The following CADPS variants were observed in gnomAD, a reference collection of about 807,000 sequenced individuals.
The protein encoded by CADPS is calcium dependent secretion activator.
Under a neutral mutation model 167.3 loss-of-function variants are expected in CADPS, and 57 were observed. The observed-to-expected ratio is 0.34, with a 90% CI of 0.28 to 0.42. The LOEUF (loss-of-function observed/expected upper bound fraction) is 0.42. Ranked by LOEUF, CADPS falls within the 20% of genes least tolerant of loss-of-function variation. The probability of loss-of-function intolerance (pLI) is 1.00; values close to 1 mark genes in which losing one functional copy is unlikely to be tolerated. For synonymous variants in CADPS, 676 were observed against 635.3 expected (o/e 1.06, Z -0.96); for missense variants, 1,414 against 1,738.1 (o/e 0.81, Z 3.32).
intron 24 of CADPS, among the ~76,000 whole-genome samples, chr3:62,467,046 C>T (rs996386231): frequency 6.6e-6 from 1 of 152,134 alleles, no homozygotes; most frequent in African/African-American, 2.4e-5. Context: ...GAGACCACTG[C>T]TAAGTTTTTA....
chr3:62,548,385 T>C (rs1290243338), intron 11 of CADPS, among the ~76,000 whole-genome samples: 2 of 152,196 alleles, frequency 1.3e-5, no homozygotes, highest in African/African-American at 4.8e-5. Flanking sequence ...TTTCTTATTC[T>C]TTCATGATTT....
At chr3:62,453,937 C>T (rs992735645) in intron 26 of CADPS, among the ~76,000 whole-genome samples, 2 of 152,076 alleles carry the variant, frequency 1.3e-5, no homozygotes, top group African/African-American at 2.4e-5. Flanking sequence ...GGCCATTGTC[C>T]GTTGCTTCCT....
chr3:62,522,123 A>ATCTG (rs1444495842), intron 13 of CADPS, among the ~76,000 whole-genome samples: 1 of 151,572 alleles, frequency 6.6e-6, no homozygotes, highest in Non-Finnish European at 1.5e-5. Context: ...CTATCTATCT[A>ATCTG]TCTATCTATC....
chr3:62,422,202 A>T (rs1380486497), intron 28 of CADPS, among the ~76,000 whole-genome samples: 1 of 152,126 alleles, frequency 6.6e-6, no homozygotes, highest in Non-Finnish European at 1.5e-5. Flanking sequence ...CTCAGTTACC[A>T]CTATTTGATG....
intron 6 of CADPS, among the ~76,000 whole-genome samples, chr3:62,638,467 T>A (rs2066770542): frequency 6.6e-6 from 1 of 152,172 alleles, no homozygotes; most frequent in African/African-American, 2.4e-5. Context: ...TTCTTAGATT[T>A]ACTCCAGATG....
chr3:62,604,855 C>T (rs917612504), intron 6 of CADPS, among the ~76,000 whole-genome samples: 3 of 152,176 alleles, frequency 2.0e-5, no homozygotes, highest in African/African-American at 4.8e-5. Flanking sequence ...AACTGCTCAC[C>T]GCATGGCAGA....
chr3:62,558,359 C>T (rs1224758021), intron 9 of CADPS, among the ~76,000 whole-genome samples: 1 of 152,214 alleles, frequency 6.6e-6, no homozygotes, highest in African/African-American at 2.4e-5. Flanking sequence ...CATCCAGATC[C>T]AGCACATATA....
chr3:62,715,820 G>T (rs945757858), intron 3 of CADPS, among the ~76,000 whole-genome samples: 2 of 130,062 alleles, frequency 1.5e-5, no homozygotes, highest in African/African-American at 2.8e-5. Flanking sequence ...GCAGTGGCGC[G>T]ATCTCAGCTC....
chr3:62,476,998 A>G (rs1322763849), intron 23 of CADPS, among the ~76,000 whole-genome samples: 2 of 152,154 alleles, frequency 1.3e-5, no homozygotes, highest in South Asian at 2.1e-4. Flanking sequence ...TAAAAGAGCA[A>G]TACTAAAAAA....
chr3:62,868,241 C>A (rs2082054395), intron 1 of CADPS, among the ~76,000 whole-genome samples: 1 of 152,042 alleles, frequency 6.6e-6, no homozygotes, highest in Admixed American at 6.6e-5. Flanking sequence ...CTCTTGGATG[C>A]TTTACAGGGG....
At chr3:62,467,234 C>T in intron 24 of CADPS, 1 of 791,600 alleles carries the variant, frequency 1.3e-6, no homozygotes, top group Non-Finnish European at 1.7e-6. Flanking sequence ...TGAATTATCC[C>T]ATATTTCCCT....
intron 20 of CADPS, among the ~76,000 whole-genome samples, 187 bp from the exon 21 acceptor site, chr3:62,491,667 G>T (rs1051824906): frequency 1.3e-5 from 2 of 151,642 alleles, no homozygotes; most frequent in Non-Finnish European, 2.9e-5. Context: ...TACATAAAAA[G>T]CATTGAAATG....
chr3:62,671,922 C>G (rs1408992084), intron 3 of CADPS, among the ~76,000 whole-genome samples: 1 of 152,014 alleles, frequency 6.6e-6, no homozygotes, highest in African/African-American at 2.4e-5. Flanking sequence ...GCCACCACGC[C>G]TGACTAATTT....
intron 4 of CADPS, among the ~76,000 whole-genome samples, chr3:62,662,102 TG>T (rs2073374010): frequency 6.6e-6 from 1 of 152,140 alleles, no homozygotes; most frequent in Non-Finnish European, 1.5e-5. Flanking sequence ...GGTCTGAGCT[TG>T]GGTATTCACT....
At chr3:62,859,942 C>T (rs1326332504) in intron 1 of CADPS, among the ~76,000 whole-genome samples, 1 of 152,136 alleles carries the variant, frequency 6.6e-6, no homozygotes, top group Non-Finnish European at 1.5e-5. Context: ...GGCCCTCTGC[C>T]TTGGTTTAGT....
chr3:62,580,374 G>A (rs181453940), intron 8 of CADPS, among the ~76,000 whole-genome samples: 133 of 152,140 alleles, frequency 8.7e-4, no homozygotes, highest in Admixed American at 5.6e-3. Flanking sequence ...CTCATAGATC[G>A]GAATTGAACA....
chr3:62,448,725 T>G (rs955446519), intron 26 of CADPS, among the ~76,000 whole-genome samples: 1 of 152,104 alleles, frequency 6.6e-6, no homozygotes, highest in African/African-American at 2.4e-5. Flanking sequence ...GCAATTCTAC[T>G]GCCTCAGCCT....
chr3:62,753,412 G>C lies in CADPS; in HGVS notation c.888+29C>G. 1 of 1,550,780 alleles carries C rather than the reference G, an allele frequency of 6.4e-7. No homozygotes were observed. Among genetic ancestry groups the C allele is most frequent in the Non-Finnish European group, 8.8e-7 (1 of 1,130,898 alleles). On this transcript the variant is annotated intron_variant, in intron 3 of 29. Transcript: ENST00000383710. This position sits in a 1 kb window ranked among gnomAD's most constrained non-coding sequence, Gnocchi z 4.6. ...TGGAATGCAGCTCTGCTTACCCACA[G>C]CTCTAGGCCCAGGCGAGAAACACCT...
intron 28 of CADPS, among the ~76,000 whole-genome samples, chr3:62,410,229 C>T (rs1311243654): frequency 1.3e-5 from 2 of 152,236 alleles, no homozygotes; most frequent in African/African-American, 4.8e-5. Context: ...ACTTGTGACT[C>T]AGTCCAATAT....
Sources: allele counts gnomAD v4.1 joint callset (sites outside exome capture counted in the v4.1 genomes callset), GRCh38; gene constraint gnomAD v4.1.1; non-coding constraint Gnocchi (gnomAD v3.1); transcripts MANE v1.5; gene names NCBI Gene and HGNC (gene_info 2026-07-23, HGNC 2026-07-21).